The following CD58 variants were observed in gnomAD, a reference collection of about 807,000 sequenced individuals.
The protein encoded by CD58 is CD58 molecule.
In CD58, 14 loss-of-function variants were observed where a neutral mutation model predicts 27.6. That is an observed-to-expected ratio of 0.51 (90% CI 0.34 to 0.79). The LOEUF is 0.79. CD58 is among the 30% of genes least tolerant of loss of function. CD58 has a pLI of 0.02. For synonymous variants in CD58, 117 were observed against 103.8 expected (o/e 1.13, Z -0.77); for missense variants, 268 against 301.7 (o/e 0.89, Z 0.83).
chr1:116,536,256 C>G lies in CD58; in HGVS notation c.365-28G>C. ...GGAAAAAAAAGTATAATATTTAGTA[C>G]AGAAAATAGTAATATTTAGACTTAT... On this transcript the variant is annotated intron_variant, in intron 2 of 5. Transcript: ENST00000369489. This position sits in a 1 kb window ranked among gnomAD's most constrained non-coding sequence, Gnocchi z 5.4. 1.3e-6 allele frequency: 2 copies of G among 1,546,242 alleles called. No individual in the cohort carries two copies. Among genetic ancestry groups the G allele is most frequent in the Non-Finnish European group, 1.8e-6 (2 of 1,135,782 alleles).
chr1:116,536,399 T>C lies in CD58; in HGVS notation c.365-171A>G, dbSNP rs541151155. Among the ~76,000 whole-genome samples the C allele has an allele frequency of 1.3e-5, 2 of 152,278 alleles. No individual in the cohort carries two copies. Among genetic ancestry groups the C allele is most frequent in the Non-Finnish European group, 2.9e-5 (2 of 68,014 alleles). On this transcript the variant is annotated intron_variant, in intron 2 of 5. Transcript: ENST00000369489. The surrounding 1 kb of genome is among the most constrained non-coding windows in gnomAD (Gnocchi z 5.4). ...TCTTTTGCTAGGTCAGATCTACCTGTTCAAATTTAACAGAATAAATTCAGA... is the reference window on the plus strand; with the variant it reads ...TCTTTTGCTAGGTCAGATCTACCTGCTCAAATTTAACAGAATAAATTCAGA...
intron 2 of CD58, among the ~76,000 whole-genome samples, chr1:116,544,099 C>T (rs578228443): frequency 6.6e-6 from 1 of 152,260 alleles, no homozygotes; most frequent in South Asian, 2.1e-4. Context: ...TGATACTGTT[C>T]TCCCCACCTT....
intron 3 of CD58, among the ~76,000 whole-genome samples, chr1:116,530,009 T>C (rs765714748): frequency 6.6e-6 from 1 of 152,240 alleles, no homozygotes; most frequent in African/African-American, 2.4e-5. Context: ...TATATCTATA[T>C]AGTATGGGTT....
In CD58 at chr1:116,534,391, C is replaced by A. The variant is rs1477097892; in HGVS notation, c.628+1574G>T. Among the ~76,000 whole-genome samples the A allele has an allele frequency of 6.6e-6, 1 of 152,248 alleles. No individual in the cohort carries two copies. Among genetic ancestry groups the A allele is most frequent in the Non-Finnish European group, 1.5e-5 (1 of 68,042 alleles). Reference sequence around the variant, plus strand: ...AATAAAGAGGTCCTGGACGTCTCCACCTTAAAAACGGGAAGCCTGAATGCT... The same window carrying A: ...AATAAAGAGGTCCTGGACGTCTCCAACTTAAAAACGGGAAGCCTGAATGCT... On this transcript the variant is annotated intron_variant, in intron 3 of 5. Transcript: ENST00000369489. The surrounding 1 kb of genome is among the most constrained non-coding windows in gnomAD (Gnocchi z 5.3).
chr1:116,537,056 G>A (rs925933282), intron 2 of CD58, among the ~76,000 whole-genome samples: 2 of 152,190 alleles, frequency 1.3e-5, no homozygotes, highest in African/African-American at 4.8e-5. Flanking sequence ...AGGAGTTCAA[G>A]ACCAGCCTGG....
rs576770410 is a variant in CD58 at position 116,527,110 on chromosome 1, T to C, written c.629-5127A>G. ...TTTGGATTGTATACATAGATATTCATGTCATCTGAGAACTAAAACAATTTT... is the reference window on the plus strand; with the variant it reads ...TTTGGATTGTATACATAGATATTCACGTCATCTGAGAACTAAAACAATTTT... On this transcript the variant is annotated intron_variant, in intron 3 of 5. Transcript: ENST00000369489. This position sits in a 1 kb window ranked among gnomAD's most constrained non-coding sequence, Gnocchi z 4.4. Among the ~76,000 whole-genome samples, 2 of 152,370 alleles carry C rather than the reference T, an allele frequency of 1.3e-5. No individual in the cohort carries two copies. Among genetic ancestry groups the C allele is most frequent in the South Asian group, 4.1e-4 (2 of 4,832 alleles).
rs1657722862 is a variant in CD58 at position 116,534,446 on chromosome 1, C to T, written c.628+1519G>A. On this transcript the variant is annotated intron_variant, in intron 3 of 5. Transcript: ENST00000369489. This position sits in a 1 kb window ranked among gnomAD's most constrained non-coding sequence, Gnocchi z 5.3. ...CGGGTGCGCCGCGGCCCTCCGGGTACGCGGGGCTGGCTGGGCTAGCGGGAG... is the reference window on the plus strand; with the variant it reads ...CGGGTGCGCCGCGGCCCTCCGGGTATGCGGGGCTGGCTGGGCTAGCGGGAG... 1.3e-5 allele frequency among the ~76,000 whole-genome samples: 2 copies of T among 152,330 alleles called. No individual in the cohort carries two copies. The highest frequency in any genetic ancestry group is 6.5e-5 in the Admixed American group (1 of 15,308).
In CD58 at chr1:116,521,989, AAAAAG is replaced by A. The variant is rs770174255; in HGVS notation, c.629-11_629-7del. On this transcript the variant is annotated splice_polypyrimidine_tract_variant and splice_region_variant and intron_variant, in intron 3 of 5. Coordinates refer to ENST00000369489, the MANE Select transcript of CD58 (RefSeq NM_001779.3). The surrounding 1 kb of genome is among the most constrained non-coding windows in gnomAD (Gnocchi z 5.6). ...ATATCTGTGTCTTGAATGACCTATA[AAAAAG>A]AAAAGAAAAGAAATTCAACTAGTTG... 1.8e-5 allele frequency: 27 copies of A among 1,505,130 alleles called. 1 individual carries two copies. Among genetic ancestry groups the A allele is most frequent in the South Asian group, 1.3e-4 (11 of 84,964 alleles). 93.2% of individuals were successfully genotyped at this position (1,505,130 alleles called of 1,614,324 possible).
intron 1 of CD58, among the ~76,000 whole-genome samples, chr1:116,547,047 T>C (rs1278254645): frequency 1.3e-5 from 2 of 151,748 alleles, no homozygotes; most frequent in African/African-American, 4.8e-5. Context: ...GAACAGGTGA[T>C]GTTTGGTTAC....
At position 116,570,660 on chromosome 1, in the gene CD58, C is replaced by T. The variant is rs1470916749; in HGVS notation, c.70+243G>A. Among the ~76,000 whole-genome samples the T allele has an allele frequency of 2.6e-5, 4 of 152,094 alleles. No homozygotes were observed. Among genetic ancestry groups the T allele is most frequent in the African/African-American group, 9.7e-5 (4 of 41,418 alleles). The stretch of plus-strand genomic sequence containing the variant: ...AGGCCCCGCAGGAGAGGCTAGCGGG[C>T]CGGAGCCCGTCCTTCCCTAAGGCCA... On this transcript the variant is annotated intron_variant, in intron 1 of 5. Coordinates refer to ENST00000369489, the MANE Select transcript of CD58 (RefSeq NM_001779.3). The surrounding 1 kb of genome is among the most constrained non-coding windows in gnomAD (Gnocchi z 6.4).
chr1:116,544,662 A>G lies in CD58; in HGVS notation c.71-58T>C, dbSNP rs1658105729. ...CAACATGACTTTGGTGGCAGAAATT[A>G]TTCATCAGGTACTTTTTGTGCTAAG... On this transcript the variant is annotated intron_variant, in intron 1 of 5. Transcript: ENST00000369489. The G allele has an allele frequency of 2.5e-6, 3 of 1,187,290 alleles. No individual in the cohort carries two copies. The African/African-American group carries it at 4.6e-5, about 18-fold the overall frequency. The allele number at this position is 1,187,290 out of a possible 1,614,324, so 73.5% of individuals were successfully genotyped here.
chr1:116,522,122 T>C lies in CD58; in HGVS notation c.629-139A>G, dbSNP rs937845928. 3.2e-5 allele frequency: 18 copies of C among 570,546 alleles called. No homozygotes were observed. In the African/African-American group the frequency reaches 3.2e-4, roughly 10 times the overall value. The allele number at this position is 570,546 out of a possible 1,614,324, so 35.3% of individuals were successfully genotyped here. On this transcript the variant is annotated intron_variant, in intron 3 of 5. Coordinates refer to ENST00000369489, the MANE Select transcript of CD58 (RefSeq NM_001779.3). This position sits in a 1 kb window ranked among gnomAD's most constrained non-coding sequence, Gnocchi z 4.6. ...CACAAATCAATACCCAAAGCAGTCA[T>C]TCTCAGACATAAGAACAGTGATGAA... is the stretch of plus-strand genomic sequence containing the variant.
In CD58 at chr1:116,523,569, T is replaced by G. The variant is rs1657335638; in HGVS notation, c.629-1586A>C. Among the ~76,000 whole-genome samples, 1 of 152,192 alleles carries G rather than the reference T, an allele frequency of 6.6e-6. No homozygotes were observed. The highest frequency in any genetic ancestry group is 6.5e-5 in the Admixed American group (1 of 15,274). On this transcript the variant is annotated intron_variant, in intron 3 of 5. Coordinates refer to ENST00000369489, the MANE Select transcript of CD58 (RefSeq NM_001779.3). This position sits in a 1 kb window ranked among gnomAD's most constrained non-coding sequence, Gnocchi z 4.4. Reference sequence around the variant, plus strand: ...CCGAACATCATTTTCCCTTCTTTAGTAGCAAAATTCAGATATTCCTTGGCA... The same window carrying G: ...CCGAACATCATTTTCCCTTCTTTAGGAGCAAAATTCAGATATTCCTTGGCA...
At chr1:116,535,011 G>A (rs2159336) in intron 3 of CD58, among the ~76,000 whole-genome samples, 3,779 of 151,948 alleles carry the variant, frequency 0.025, 157 homozygotes, top group African/African-American at 0.084. Context: ...TACTATTTTC[G>A]TCTCTTTTAT....
intron 2 of CD58, among the ~76,000 whole-genome samples, chr1:116,544,047 C>CT (rs1320246093): frequency 6.6e-6 from 1 of 152,182 alleles, no homozygotes; most frequent in Non-Finnish European, 1.5e-5. Context: ...AAGCTAACTG[C>CT]TGTCACTACA....
chr1:116,564,707 T>C (rs1658875824), intron 1 of CD58, among the ~76,000 whole-genome samples: 1 of 152,194 alleles, frequency 6.6e-6, no homozygotes, highest in South Asian at 2.1e-4. Flanking sequence ...AAACTGCCCT[T>C]ATGATTCAAT....
At chr1:116,540,351 A>T (rs893558102) in intron 2 of CD58, among the ~76,000 whole-genome samples, 3 of 95,194 alleles carry the variant, frequency 3.2e-5, no homozygotes, top group Non-Finnish European at 5.9e-5. Flanking sequence ...CTCTTTTCTT[A>T]AAAAAAAAAA....
intron 2 of CD58, among the ~76,000 whole-genome samples, chr1:116,539,571 A>G (rs1657927009): frequency 6.6e-6 from 1 of 152,242 alleles, no homozygotes; most frequent in South Asian, 2.1e-4. Flanking sequence ...CAGGGGAAAC[A>G]TGAAGAAGTG....
chr1:116,533,759 C>T, intron 3 of CD58: 1 of 710,270 alleles, frequency 1.4e-6, no homozygotes, highest in Non-Finnish European at 2.6e-6. Flanking sequence ...TCAACATCAC[C>T]GGTGATAAAT....
Sources: gnomAD v4.1 joint callset for allele counts (sites outside exome capture counted in the v4.1 genomes callset) on GRCh38, gnomAD v4.1.1 for gene constraint, Gnocchi (gnomAD v3.1) non-coding constraint, MANE v1.5 for transcripts, NCBI Gene and HGNC (gene_info 2026-07-23, HGNC 2026-07-21) for gene names.